COL6A3: variants seen among roughly 807,000 people sequenced by gnomAD.
The protein encoded by COL6A3 is collagen alpha-3(VI) chain.
Under a neutral mutation model 274.1 loss-of-function variants are expected in COL6A3, and 137 were observed. That is an observed-to-expected ratio of 0.50 (90% CI 0.44 to 0.58). The LOEUF (loss-of-function observed/expected upper bound fraction) is 0.58, where lower values mean the gene tolerates loss of function less well. COL6A3 is among the 20% of genes least tolerant of loss of function. The probability of loss-of-function intolerance (pLI) is 0.00; values close to 1 mark genes in which losing one functional copy is unlikely to be tolerated. For missense variants in COL6A3, 3,950 were observed against 4,124.9 expected (o/e 0.96, Z 1.16); for synonymous variants, 1,650 against 1,650.6 (o/e 1.00, Z 0.01).
intron 3 of COL6A3, among the ~76,000 whole-genome samples, chr2:237,392,503 C>T (rs1262958670): frequency 6.6e-6 from 1 of 152,202 alleles, no homozygotes; most frequent in East Asian, 1.9e-4. Flanking sequence ...AAGAGACTGA[C>T]TCTCCATCAG....
In COL6A3 at chr2:237,348,626, C is replaced by A. The variant is rs1177122610; in HGVS notation, c.6917G>T (p.Arg2306Leu). Residue 2306 changes from arginine (R) to leucine (L), a missense_variant, in exon 29 of 44, where the codon CGC becomes CTC. Arg to Leu is a moderately radical substitution (Grantham distance 102). Coordinates refer to ENST00000295550, the MANE Select transcript of COL6A3 (RefSeq NM_004369.4). ...DGRDGVGSEG[R>L]RGKKGERGFP... is the part of the protein sequence containing the mutation. ...GCAGATACGTACTTTTTTGCCTCTG[C>A]GTCCTTCACTGCCAACTCCGTCTCT... The A allele has an allele frequency of 4.3e-6, 7 of 1,614,150 alleles. No homozygotes were observed. The African/African-American group carries it at 5.3e-5, about 12-fold the overall frequency.
At chr2:237,369,389 T>C (rs1302624270) in intron 9 of COL6A3, among the ~76,000 whole-genome samples, 1 of 152,212 alleles carries the variant, frequency 6.6e-6, no homozygotes, top group Non-Finnish European at 1.5e-5. Flanking sequence ...TTTGAAGTTA[T>C]CCAAAACGTG....
chr2:237,372,218 C>T lies in COL6A3; in HGVS notation c.3799G>A (p.Asp1267Asn). The T allele has an allele frequency of 6.2e-7, 1 of 1,614,102 alleles. No individual in the cohort carries two copies. Among genetic ancestry groups the T allele is most frequent in the Non-Finnish European group, 8.5e-7 (1 of 1,180,036 alleles). The change falls in exon 9 of 44, where the codon GAC (aspartate) becomes AAC (asparagine). Residue 1267 changes from aspartate to asparagine, a missense_variant. This residue lies in a region of COL6A3 where 1,934 missense variants were observed against 1,984.3 expected (regional missense o/e 0.97). Coordinates refer to ENST00000295550, the MANE Select transcript of COL6A3 (RefSeq NM_004369.4). ...RLVDYLDVGF[D>N]TTRVAVIQFS... ...TGGATGACAGCCACCCGGGTGGTGT[C>T]AAAGCCCACGTCCAGGTAGTCAACC... is the stretch of plus-strand genomic sequence containing the variant.
chr2:237,365,870 A>T lies in COL6A3; in HGVS notation c.5666T>A (p.Val1889Glu), dbSNP rs1423516861. ...CGGGCCCGAGGGCGTGTTGGCCACC[A>T]CTGACACACGCACGGTGGGCGAGCG... ...GGRSPTVRVS[V>E]VANTPSGPVE... is the part of the protein sequence containing the mutation. Residue 1889 changes from valine (V) to glutamate (E), a missense_variant, in exon 12 of 44, where the codon GTG (valine) becomes GAG (glutamate). Physicochemically the swap from Val to Glu is moderately radical, Grantham distance 121. Coordinates refer to ENST00000295550, the MANE Select transcript of COL6A3 (RefSeq NM_004369.4). 1 of 1,614,022 alleles carries T rather than the reference A, an allele frequency of 6.2e-7. No homozygotes were observed. Among genetic ancestry groups the T allele is most frequent in the African/African-American group, 1.3e-5 (1 of 74,912 alleles).
Position 237,365,943 on chromosome 2 carries a change from T to G in COL6A3, c.5593A>C (p.Ile1865Leu). Residue 1865 changes from isoleucine (I) to leucine (L), a missense_variant, in exon 12 of 44, where the codon ATC (isoleucine) becomes CTC (leucine). Transcript: ENST00000295550. ...QKGFESKVDA[I>L]LNRISQMHRV... ...TGCATCTGGCTGATTCTGTTCAAGA[T>G]GGCGTCCACCTTGGACTCGAAGCCC... is the stretch of plus-strand genomic sequence containing the variant. 1 of 1,614,156 alleles carries G rather than the reference T, an allele frequency of 6.2e-7. No homozygotes were observed. Among genetic ancestry groups the G allele is most frequent in the Non-Finnish European group, 8.5e-7 (1 of 1,180,030 alleles).
At chr2:237,339,744 C>CA (rs2076944121) in intron 38 of COL6A3, among the ~76,000 whole-genome samples, 1 of 152,200 alleles carries the variant, frequency 6.6e-6, no homozygotes, top group African/African-American at 2.4e-5. Context: ...GCACACTGTA[C>CA]ACAGGCTCTG....
intron 39 of COL6A3, 197 bp downstream of exon 39, chr2:237,338,818 A>G (rs1444302492): frequency 1.8e-6 from 1 of 568,698 alleles, no homozygotes; most frequent in African/African-American, 1.9e-5. Context: ...TTAAGCCACT[A>G]AGTTTTGGGT....
chr2:237,340,311 C>T (rs2106319057), intron 38 of COL6A3, 141 bp downstream of exon 38: 2 of 769,342 alleles, frequency 2.6e-6, no homozygotes, highest in East Asian at 5.4e-5. Flanking sequence ...TGGCATATGG[C>T]AGGTGTCAAT....
At chr2:237,382,368 G>A (rs528848190) in intron 4 of COL6A3, among the ~76,000 whole-genome samples, 1 of 151,958 alleles carries the variant, frequency 6.6e-6, no homozygotes, top group East Asian at 1.9e-4. Context: ...GGGTGATAGA[G>A]TGAGATTTCA....
At chr2:237,328,574 T>G (rs1269404706) in intron 42 of COL6A3, 1 of 152,226 alleles carries the variant, frequency 6.6e-6, no homozygotes, top group Non-Finnish European at 1.5e-5. Flanking sequence ...ATGAGAATCG[T>G]GTAATATATT....
intron 3 of COL6A3, 124 bp from the exon 4 acceptor site, chr2:237,388,308 A>C: frequency 8.3e-7 from 1 of 1,197,772 alleles, no homozygotes; most frequent in Non-Finnish European, 1.2e-6. Context: ...CAAACAAAAC[A>C]CATGTTGATG....
In COL6A3 at chr2:237,331,982, C is replaced by T. The variant is rs375883989; in HGVS notation, c.9328+1468G>A. Among the ~76,000 whole-genome samples, 29 of 144,808 alleles carry T rather than the reference C, an allele frequency of 2.0e-4. No homozygotes were observed. Among genetic ancestry groups the T allele is most frequent in the African/African-American group, 2.3e-4 (9 of 39,626 alleles). 95.0% of individuals were successfully genotyped at this position (144,808 alleles called of 152,430 possible). On this transcript the variant is annotated intron_variant, in intron 42 of 43. Coordinates refer to ENST00000295550, the MANE Select transcript of COL6A3 (RefSeq NM_004369.4). ...TTTCTCTTTATCACAGGTAGACAGG[C>T]GATCTCAGTGTTAAAGGTCTGGATC...
chr2:237,365,484 AT>A (rs2077529869), intron 12 of COL6A3, among the ~76,000 whole-genome samples: 1 of 152,198 alleles, frequency 6.6e-6, no homozygotes, highest in Admixed American at 6.5e-5. Context: ...TAAACTACTG[AT>A]TTCCAGGATT....
chr2:237,331,745 T>C (rs1209050448), intron 42 of COL6A3, among the ~76,000 whole-genome samples: 1 of 151,056 alleles, frequency 6.6e-6, no homozygotes, highest in Admixed American at 6.6e-5. Flanking sequence ...AAAGGTAATT[T>C]ATGTCTTCAC....
rs369620378 is a variant in COL6A3, at chr2:237,371,901, G to A, written c.4116C>T (p.Asn1372=). 3.2e-5 allele frequency: 51 copies of A among 1,613,862 alleles called. No individual in the cohort carries two copies. In the Middle Eastern group the frequency reaches 1.6e-3, roughly 52 times the overall value. Reference sequence around the variant, plus strand: ...TCTTCACCAGCTCCTCCTGGTCTGCGTTCCTGGCGATCGTGAAAGGGGCCA... The same window carrying A: ...TCTTCACCAGCTCCTCCTGGTCTGCATTCCTGGCGATCGTGAAAGGGGCCA... ...FGVAPFTIAR[N]ADQEELVKIS... The change falls in exon 9 of 44, where the codon AAC becomes AAT. Residue 1372 remains asparagine, a synonymous_variant. Coordinates refer to ENST00000295550, the MANE Select transcript of COL6A3 (RefSeq NM_004369.4). The surrounding 1 kb of genome is among the most constrained non-coding windows in gnomAD (Gnocchi z 4.3).
intron 1 of COL6A3, among the ~76,000 whole-genome samples, chr2:237,411,913 C>G (rs2078866313): frequency 6.6e-6 from 1 of 152,122 alleles, no homozygotes; most frequent in Non-Finnish European, 1.5e-5. Flanking sequence ...GCTTCCCCAG[C>G]CACCTCCCAG....
rs2106350563 is a variant in COL6A3 at position 237,366,882 on chromosome 2, T to A, written c.5305A>T (p.Arg1769Trp). The change falls in exon 11 of 44, where the codon AGG becomes TGG. Residue 1769 changes from arginine (R) to tryptophan (W), a missense_variant. Coordinates refer to ENST00000295550, the MANE Select transcript of COL6A3 (RefSeq NM_004369.4). ...AQDVSLALTQ[R>W]GVKVFAVGVR... ...CCAACAGCAAACACTTTGACCCCCC[T>A]CTGGGTGAGGGCCAGGCTCACATCC... 3.1e-6 allele frequency: 5 copies of A among 1,614,188 alleles called. No homozygotes were observed. The highest frequency in any genetic ancestry group is 4.2e-6 in the Non-Finnish European group (5 of 1,180,044).
rs771306321 is a variant in COL6A3, at chr2:237,325,641, C to T, written c.9412G>A (p.Ala3138Thr). 1 of 1,614,110 alleles carries T rather than the reference C, an allele frequency of 6.2e-7. No homozygotes were observed. The highest frequency in any genetic ancestry group is 1.1e-5 in the South Asian group (1 of 91,084). Reference sequence around the variant, plus strand: ...CCACAACCTCCATACCAGAATCTTGCACAGCTTTTGGTGTTTGGATCATAG... The same window carrying T: ...CCACAACCTCCATACCAGAATCTTGTACAGCTTTTGGTGTTTGGATCATAG... ...WYYDPNTKSCARFWYGGCGGN... is the reference protein window; with the variant it reads ...WYYDPNTKSCTRFWYGGCGGN... The change falls in exon 43 of 44, where the codon GCA becomes ACA. Residue 3138 changes from alanine to threonine, a missense_variant. By Grantham distance (58) the Ala-to-Thr change is moderately conservative. Transcript: ENST00000295550.
rs1426831377 is a variant in COL6A3 at position 237,380,947 on chromosome 2, G to T, written c.1865C>A (p.Ala622Glu). Residue 622 changes from alanine (A) to glutamate (E), a missense_variant, in exon 5 of 44, where the codon GCA becomes GAA. This residue lies in a region of COL6A3 where 1,934 missense variants were observed against 1,984.3 expected (regional missense o/e 0.97). Coordinates refer to ENST00000295550, the MANE Select transcript of COL6A3 (RefSeq NM_004369.4). ...GGTTCCAGAGAGGGTCCTGAGAGGT[G>T]CCAGCAAGCCAGGCAGCATGCCTTG... ...PLQGMLPGLL[A>E]PLRTLSGTPE... 1.9e-6 allele frequency: 3 copies of T among 1,614,120 alleles called. No homozygotes were observed. Among genetic ancestry groups the T allele is most frequent in the South Asian group, 1.1e-5 (1 of 91,072 alleles).
Sources: allele counts gnomAD v4.1 joint callset (sites outside exome capture counted in the v4.1 genomes callset), GRCh38; gene constraint gnomAD v4.1.1; regional missense constraint gnomAD v4.1.1; non-coding constraint Gnocchi (gnomAD v3.1); transcripts MANE v1.5; gene names NCBI Gene and HGNC (gene_info 2026-07-23, HGNC 2026-07-21).